Variants in NALF1 observed in about 807,000 individuals in gnomAD.
NALF1 encodes the protein NALCN channel auxiliary factor 1, also known as family with sequence similarity 155 member A.
NALF1 carries 3 observed loss-of-function variants against 48.4 expected under a neutral mutation model. The observed-to-expected ratio is 0.06, with a 90% CI of 0.03 to 0.16. The LOEUF (loss-of-function observed/expected upper bound fraction) is 0.16. Ranked by LOEUF, NALF1 falls within the 10% of genes least tolerant of loss-of-function variation. The probability of loss-of-function intolerance (pLI) is 1.00; values close to 1 mark genes in which losing one functional copy is unlikely to be tolerated. For missense variants in NALF1, 526 were observed against 571.5 expected, an observed-to-expected ratio of 0.92 and a Z score of 0.81; for synonymous variants, 262 against 245.7, an observed-to-expected ratio of 1.07 and a Z score of -0.62.
intron 1 of NALF1, among the ~76,000 whole-genome samples, chr13:107,668,284 C>A (rs1313735187): frequency 6.6e-6 from 1 of 152,064 alleles, no homozygotes; most frequent in Non-Finnish European, 1.5e-5. Flanking sequence ...TCCATCTCAA[C>A]TACTAACTCA....
chr13:107,293,952 T>C (rs1015534007), intron 1 of NALF1, among the ~76,000 whole-genome samples: 2 of 152,208 alleles, frequency 1.3e-5, no homozygotes, highest in South Asian at 2.1e-4. Context: ...TGGCACACAA[T>C]TGGAAGATAA....
At chr13:107,697,865 T>C (rs1881733517) in intron 1 of NALF1, among the ~76,000 whole-genome samples, 1 of 152,178 alleles carries the variant, frequency 6.6e-6, no homozygotes, top group African/African-American at 2.4e-5. Flanking sequence ...TAAACTATCT[T>C]TAACATAGTG....
chr13:107,360,078 T>G (rs1883034914), intron 1 of NALF1, among the ~76,000 whole-genome samples: 1 of 152,182 alleles, frequency 6.6e-6, no homozygotes, highest in South Asian at 2.1e-4. Flanking sequence ...AAGTTGCAAT[T>G]AAATATATGC....
chr13:107,451,299 T>G (rs1412517371), intron 1 of NALF1, among the ~76,000 whole-genome samples: 1 of 152,230 alleles, frequency 6.6e-6, no homozygotes, highest in African/African-American at 2.4e-5. Context: ...TGATCTAGCA[T>G]GGCTGTGAAG....
chr13:107,255,652 A>G (rs12430825), intron 1 of NALF1, among the ~76,000 whole-genome samples: 17,214 of 152,240 alleles, frequency 0.11, 1,146 homozygotes, highest in African/African-American at 0.17. Flanking sequence ...CTCAACATAT[A>G]CCAAGTATAT....
chr13:107,630,984 T>C (rs1285321868), intron 1 of NALF1, among the ~76,000 whole-genome samples: 1 of 152,144 alleles, frequency 6.6e-6, no homozygotes, highest in Non-Finnish European at 1.5e-5. Context: ...CATTTTTTCT[T>C]ATTCTTTTGT....
chr13:107,629,242 A>G (rs568260231), intron 1 of NALF1, among the ~76,000 whole-genome samples: 9 of 152,206 alleles, frequency 5.9e-5, no homozygotes, highest in Non-Finnish European at 1.2e-4. Context: ...TGCTATTTGT[A>G]GGAGTAATAC....
chr13:107,609,223 C>G (rs965824669), intron 1 of NALF1, among the ~76,000 whole-genome samples: 1 of 152,206 alleles, frequency 6.6e-6, no homozygotes, highest in Non-Finnish European at 1.5e-5. Flanking sequence ...CTCTAGAATT[C>G]TTCCTCCCCT....
At chr13:107,312,136 G>A (rs921386565) in intron 1 of NALF1, among the ~76,000 whole-genome samples, 5 of 152,158 alleles carry the variant, frequency 3.3e-5, no homozygotes, top group East Asian at 1.9e-4. Flanking sequence ...TGTTTATTGC[G>A]GCACTATTCA....
At chr13:107,544,433 C>T (rs1877080818) in intron 1 of NALF1, among the ~76,000 whole-genome samples, 1 of 152,096 alleles carries the variant, frequency 6.6e-6, no homozygotes, top group Non-Finnish European at 1.5e-5. Context: ...TAAAGAAAAA[C>T]TGCAATTTTG....
intron 1 of NALF1, among the ~76,000 whole-genome samples, chr13:107,730,075 A>G (rs763802924): frequency 1.3e-5 from 2 of 152,230 alleles, no homozygotes; most frequent in African/African-American, 2.4e-5. Context: ...TAAGTCTGCT[A>G]CGAAATTTGC....
At chr13:107,533,999 T>C (rs1876723371) in intron 1 of NALF1, among the ~76,000 whole-genome samples, 1 of 151,762 alleles carries the variant, frequency 6.6e-6, no homozygotes, top group South Asian at 2.1e-4. Context: ...AAGAGGAAAA[T>C]TACCTGTAAA....
intron 2 of NALF1, among the ~76,000 whole-genome samples, chr13:107,180,029 T>G (rs1194312859): frequency 6.7e-6 from 1 of 149,990 alleles, no homozygotes; most frequent in Non-Finnish European, 1.5e-5. Context: ...ATTTTGAGGA[T>G]ACCCCATTTA....
intron 1 of NALF1, among the ~76,000 whole-genome samples, chr13:107,597,923 C>A (rs1048814619): frequency 6.6e-5 from 10 of 151,970 alleles, no homozygotes; most frequent in African/African-American, 2.4e-4. Context: ...GGAAACTAAC[C>A]CCTTCAGGAA....
At chr13:107,775,835 G>C (rs985385986) in intron 1 of NALF1, among the ~76,000 whole-genome samples, 23 of 152,286 alleles carry the variant, frequency 1.5e-4, no homozygotes, top group Admixed American at 8.5e-4. Context: ...ACAAAGATAA[G>C]GCAACTGAGG....
chr13:107,205,788 G>T (rs1358073671), intron 2 of NALF1, among the ~76,000 whole-genome samples: 1 of 151,962 alleles, frequency 6.6e-6, no homozygotes, highest in Admixed American at 6.6e-5. Context: ...TCAATCAAAT[G>T]ATAATTTTCT....
intron 2 of NALF1, among the ~76,000 whole-genome samples, chr13:107,191,142 C>T (rs1035267013): frequency 1.3e-5 from 2 of 152,024 alleles, no homozygotes; most frequent in Admixed American, 1.3e-4. Flanking sequence ...TGGATTATTT[C>T]TCTGTTTTGA....
intron 1 of NALF1, among the ~76,000 whole-genome samples, chr13:107,702,916 T>C (rs1456186416): frequency 1.3e-5 from 2 of 152,226 alleles, no homozygotes; most frequent in Non-Finnish European, 2.9e-5. Context: ...ATGGTGTATA[T>C]GTACCACCTT....
intron 1 of NALF1, among the ~76,000 whole-genome samples, chr13:107,307,793 T>G (rs1566480825): frequency 6.6e-6 from 1 of 152,160 alleles, no homozygotes; most frequent in Non-Finnish European, 1.5e-5. Flanking sequence ...TTAAGAGAAT[T>G]AGGTAATCTT....
Sources: gnomAD v4.1 joint callset for allele counts (sites outside exome capture counted in the v4.1 genomes callset) on GRCh38, gnomAD v4.1.1 for gene constraint, MANE v1.5 for transcripts, NCBI Gene and HGNC (gene_info 2026-07-23, HGNC 2026-07-21) for gene names.